The following WASHC4 variants were observed in gnomAD, a reference collection of about 807,000 sequenced individuals.
WASHC4 encodes the protein WASH complex subunit 4.
A neutral mutation model predicts 166.6 loss-of-function variants in WASHC4; 86 were observed. That is an observed-to-expected ratio of 0.52 (90% CI 0.43 to 0.62). The LOEUF (loss-of-function observed/expected upper bound fraction) is 0.62. Among genes scored for constraint, WASHC4 ranks in the 20% least tolerant of loss-of-function variants. The pLI is 0.00. For missense variants in WASHC4, 1,262 were observed against 1,382.4 expected (o/e 0.91, Z 1.38); for synonymous variants, 446 against 451.6 (o/e 0.99, Z 0.16).
In WASHC4 at chr12:105,137,325, A is replaced by T. The variant is rs543059355; in HGVS notation, c.1327-561A>T. Among the ~76,000 whole-genome samples the T allele has an allele frequency of 1.5e-4, 23 of 152,314 alleles. No individual in the cohort carries two copies. The South Asian group carries it at 4.8e-3, about 32-fold the overall frequency. Reference sequence around the variant, plus strand: ...GGAGAGAAAGCCTAATGCAGCACCAAACTAGGCAAGGATGAGATAGCAGAT... The same window carrying T: ...GGAGAGAAAGCCTAATGCAGCACCATACTAGGCAAGGATGAGATAGCAGAT... On this transcript the variant is annotated intron_variant, in intron 14 of 32. Coordinates refer to ENST00000332180, the MANE Select transcript of WASHC4 (RefSeq NM_015275.3).
chr12:105,120,771 CATT>C (rs1880662811), intron 8 of WASHC4, among the ~76,000 whole-genome samples, 174 bp downstream of exon 8: 1 of 151,970 alleles, frequency 6.6e-6, no homozygotes, highest in Admixed American at 6.6e-5. Context: ...GTTGATGAGT[CATT>C]ATTGACCATT....
chr12:105,116,378 T>C (rs1400008376), intron 6 of WASHC4, among the ~76,000 whole-genome samples: 7 of 152,210 alleles, frequency 4.6e-5, no homozygotes, highest in African/African-American at 1.7e-4. Flanking sequence ...TTTATATCTT[T>C]ACTACTTTTT....
intron 29 of WASHC4, among the ~76,000 whole-genome samples, chr12:105,161,655 A>T (rs1465330709): frequency 6.6e-6 from 1 of 152,244 alleles, no homozygotes; most frequent in East Asian, 1.9e-4. Flanking sequence ...TCCAGAAAAA[A>T]GACAAGCATA....
Position 105,133,848 on chromosome 12 carries a change from G to C in WASHC4, c.1278G>C (p.Met426Ile), listed in dbSNP as rs770682782. 1 of 1,611,588 alleles carries C rather than the reference G, an allele frequency of 6.2e-7. No individual in the cohort carries two copies. The highest frequency in any genetic ancestry group is 1.7e-5 in the Admixed American group (1 of 59,996). The change falls in exon 14 of 33, where the codon ATG (methionine) becomes ATC (isoleucine). Residue 426 changes from methionine (M) to isoleucine (I), a missense_variant. Coordinates refer to ENST00000332180, the MANE Select transcript of WASHC4 (RefSeq NM_015275.3). ...MESILSKEQR[M>I]DKFAEDLTNR... Reference sequence around the variant, plus strand: ...CTATTTTGTCTAAAGAGCAGAGAATGGATAAATTTGCTGAAGATCTCACCA... The same window carrying C: ...CTATTTTGTCTAAAGAGCAGAGAATCGATAAATTTGCTGAAGATCTCACCA...
intron 25 of WASHC4, among the ~76,000 whole-genome samples, chr12:105,151,277 T>C (rs1883754920): frequency 6.6e-6 from 1 of 152,122 alleles, no homozygotes; most frequent in East Asian, 1.9e-4. Flanking sequence ...GCCATGTGGA[T>C]TGAGAACCAA....
intron 13 of WASHC4, among the ~76,000 whole-genome samples, 174 bp from the exon 14 acceptor site, chr12:105,133,577 TCAGTACCTGTACTGAGAAA>T (rs1205713303): frequency 6.6e-6 from 1 of 152,206 alleles, no homozygotes; most frequent in African/African-American, 2.4e-5. Flanking sequence ...TGTTGTATTC[TCAGTACCTGTACTGAGAAA>T]CAGTACCTGG....
chr12:105,130,464 T>C (rs1001452900), intron 13 of WASHC4, among the ~76,000 whole-genome samples: 1 of 152,224 alleles, frequency 6.6e-6, no homozygotes, highest in African/African-American at 2.4e-5. Context: ...TCTAAATTCT[T>C]TACTACAGAG....
chr12:105,118,431 A>G lies in WASHC4; in HGVS notation c.436-15A>G. The G allele has an allele frequency of 6.4e-7, 1 of 1,573,886 alleles. No individual in the cohort carries two copies. Among genetic ancestry groups the G allele is most frequent in the Non-Finnish European group, 8.7e-7 (1 of 1,143,426 alleles). On this transcript the variant is annotated splice_polypyrimidine_tract_variant and intron_variant, in intron 6 of 32. Transcript: ENST00000332180. ...AAGAGTAACTTTATAATATATACCC[A>G]CCTTCTCGTTTCAGGAACTGTCTTG...
rs369824204 is a variant in WASHC4, at chr12:105,164,138, A to G, written c.3185A>G (p.Asp1062Gly). ...GTGGCTTACATTCTAAAGCTTTTGG[A>G]TCAGTATCGGGAGTTTGATTCACTT... ...MGVAYILKLL[D>G]QYREFDSLHW... is the part of the protein sequence containing the mutation. Residue 1062 changes from aspartate to glycine, a missense_variant, in exon 31 of 33, where the codon GAT (aspartate) becomes GGT (glycine). By Grantham distance (94) the Asp-to-Gly change is moderately conservative (BLOSUM62 -1). Transcript: ENST00000332180. 6.2e-7 allele frequency: 1 copy of G among 1,614,124 alleles called. No individual in the cohort carries two copies.
chr12:105,139,425 G>GTGTGTGTGTATATATATATA lies in WASHC4; in HGVS notation c.1453-868_1453-867insGTGTGTGTATATATATATAT. Among the ~76,000 whole-genome samples, 44 of 103,222 alleles carry GTGTGTGTGTATATATATATA rather than the reference G, an allele frequency of 4.3e-4. 1 individual carries two copies. The highest frequency in any genetic ancestry group is 1.4e-3 in the African/African-American group (40 of 28,180). The allele number at this position is 103,222 out of a possible 152,430, so 67.7% of individuals were successfully genotyped here. On this transcript the variant is annotated intron_variant, in intron 15 of 32. Transcript: ENST00000332180. ...AGACAGACTATATATATGTGTGTGT[G>GTGTGTGTGTATATATATATA]TATATATATATATATATATATATAT...
At chr12:105,113,737 A>C (rs1230387785) in intron 2 of WASHC4, among the ~76,000 whole-genome samples, 4 of 152,048 alleles carry the variant, frequency 2.6e-5, no homozygotes, top group Admixed American at 6.6e-5. Flanking sequence ...GGGCTTTAGG[A>C]GTGAACTCCA....
rs1314573915 is a variant in WASHC4, at chr12:105,147,557, A to C, written c.2514+411A>C. The C allele has an allele frequency of 8.0e-6, 8 of 998,096 alleles. No homozygotes were observed. In the African/African-American group the frequency reaches 1.0e-4, roughly 13 times the overall value. The allele number at this position is 998,096 out of a possible 1,614,324, so 61.8% of individuals were successfully genotyped here. On this transcript the variant is annotated intron_variant, in intron 24 of 32. Coordinates refer to ENST00000332180, the MANE Select transcript of WASHC4 (RefSeq NM_015275.3). ...CTTTTTGGGGCAGGGTTTGCTAATT[A>C]TTTGATGTCCATATAAATAGGAACT...
At chr12:105,108,536 T>C (rs904862664) in intron 1 of WASHC4, among the ~76,000 whole-genome samples, 45 of 152,234 alleles carry the variant, frequency 3.0e-4, no homozygotes, top group Non-Finnish European at 4.6e-4. Context: ...AAATTTTGCT[T>C]CACAAGATCG....
rs758721943 is a variant in WASHC4, at chr12:105,156,731, G to T, written c.2764G>T (p.Ala922Ser). 2 of 1,610,132 alleles carry T rather than the reference G, an allele frequency of 1.2e-6. No individual in the cohort carries two copies. Among genetic ancestry groups the T allele is most frequent in the Non-Finnish European group, 1.7e-6 (2 of 1,176,968 alleles). Reference protein sequence around the residue: ...FRQLISQIGNAMGYVRMIRSG... With the variant: ...FRQLISQIGNSMGYVRMIRSG... ...TTTTTTGTGTGGTTTTTAAGGTAAT[G>T]CTATGGGCTATGTACGAATGATAAG... The change falls in exon 27 of 33, where the codon GCT becomes TCT. Residue 922 changes from alanine (A) to serine (S), a missense_variant. By Grantham distance (99) the Ala-to-Ser change is moderately conservative (BLOSUM62 1). Coordinates refer to ENST00000332180, the MANE Select transcript of WASHC4 (RefSeq NM_015275.3).
At chr12:105,133,175 C>T (rs964305203) in intron 13 of WASHC4, among the ~76,000 whole-genome samples, 7 of 152,124 alleles carry the variant, frequency 4.6e-5, no homozygotes, top group African/African-American at 1.7e-4. Flanking sequence ...GTATCTCGCT[C>T]ATCTAATCCC....
intron 6 of WASHC4, among the ~76,000 whole-genome samples, chr12:105,116,622 CA>C (rs1217925560): frequency 6.6e-6 from 1 of 151,920 alleles, no homozygotes; most frequent in Admixed American, 6.6e-5. Flanking sequence ...GCTTTTGCTA[CA>C]AAAAAATGGG....
intron 9 of WASHC4, among the ~76,000 whole-genome samples, chr12:105,121,854 A>G (rs2135741132): frequency 6.6e-6 from 1 of 152,122 alleles, no homozygotes; most frequent in African/African-American, 2.4e-5. Context: ...GTATACCCTG[A>G]ATTTTTTTTA....
chr12:105,117,275 A>G (rs1402461543), intron 6 of WASHC4, among the ~76,000 whole-genome samples: 3 of 152,144 alleles, frequency 2.0e-5, no homozygotes, highest in Non-Finnish European at 4.4e-5. Context: ...TTCTTGATTT[A>G]TCTTTTTCCA....
At chr12:105,115,134 TG>T (rs1271384580) in intron 4 of WASHC4, 49 bp from the exon 5 acceptor site, 2 of 976,052 alleles carry the variant, frequency 2.0e-6, no homozygotes, top group African/African-American at 3.3e-5. Context: ...CATAGGAATT[TG>T]GAAACAAAAC....
Sources: allele counts gnomAD v4.1 joint callset (sites outside exome capture counted in the v4.1 genomes callset), GRCh38; gene constraint gnomAD v4.1.1; transcripts MANE v1.5; gene names NCBI Gene and HGNC (gene_info 2026-07-23, HGNC 2026-07-21).